Variants in SLC12A6 observed in about 807,000 individuals in gnomAD.
SLC12A6 encodes the protein solute carrier family 12 member 6.
A neutral mutation model predicts 135.3 loss-of-function variants in SLC12A6; 66 were observed. The ratio of observed to expected loss-of-function variants is 0.49; its 90% CI spans 0.40 to 0.60. SLC12A6 has a LOEUF of 0.60. Ranked by LOEUF, SLC12A6 falls within the 20% of genes least tolerant of loss-of-function variation. SLC12A6 has a pLI of 0.00. For missense variants in SLC12A6, 1,058 were observed against 1,452.3 expected (o/e 0.73, Z 4.41); for synonymous variants, 513 against 508.8 (o/e 1.01, Z -0.11).
chr15:34,280,392 A>G (rs1894595433), intron 2 of SLC12A6, among the ~76,000 whole-genome samples: 1 of 152,226 alleles, frequency 6.6e-6, no homozygotes, highest in South Asian at 2.1e-4. Context: ...TGTATTATCT[A>G]GACATATCAC....
intron 2 of SLC12A6, among the ~76,000 whole-genome samples, chr15:34,288,021 G>A (rs1895231597): frequency 6.6e-6 from 1 of 152,154 alleles, no homozygotes; most frequent in African/African-American, 2.4e-5. Flanking sequence ...TGTTGCCATT[G>A]CTTTGGTGTT....
At chr15:34,263,989 T>C (rs1369358280) in intron 3 of SLC12A6, among the ~76,000 whole-genome samples, 1 of 150,120 alleles carries the variant, frequency 6.7e-6, no homozygotes, top group African/African-American at 2.5e-5. Flanking sequence ...CTCTGAAAAA[T>C]GACATTAATA....
intron 2 of SLC12A6, among the ~76,000 whole-genome samples, chr15:34,302,701 G>C (rs1472984461): frequency 6.6e-6 from 1 of 151,344 alleles, no homozygotes; most frequent in Non-Finnish European, 1.5e-5. Flanking sequence ...CTATAATCTT[G>C]GCACTTCCGG....
At chr15:34,283,755 C>G (rs199748651) in intron 2 of SLC12A6, among the ~76,000 whole-genome samples, 1 of 144,322 alleles carries the variant, frequency 6.9e-6, no homozygotes, top group Non-Finnish European at 1.5e-5. Context: ...GAAAGGTTAG[C>G]ATTTTTTTTT....
chr15:34,326,858 C>CT (rs397963192), intron 2 of SLC12A6, among the ~76,000 whole-genome samples: 3,615 of 72,086 alleles, frequency 0.05, 1,098 homozygotes, highest in African/African-American at 0.24. Flanking sequence ...CAACTGGCTG[C>CT]TTTTTTTTTT....
At chr15:34,284,594 C>T (rs1017355327) in intron 2 of SLC12A6, among the ~76,000 whole-genome samples, 1 of 152,066 alleles carries the variant, frequency 6.6e-6, no homozygotes, top group African/African-American at 2.4e-5. Flanking sequence ...AGATCTGTAG[C>T]TCTTTCATTA....
Position 34,241,251 on chromosome 15 carries a change from G to A in SLC12A6, c.2249C>T (p.Pro750Leu). The A allele has an allele frequency of 6.3e-7, 1 of 1,590,592 alleles. No homozygotes were observed. ...TCTTTACCTCCAGTTTTTAGTGTGT[G>A]GAGGTCCTTCCTCCAATCGAAGCAA... ...FALLRLEEGP[P>L]HTKNWRPQLL... Residue 750 changes from proline (P) to leucine (L), a missense_variant, in exon 18 of 26, where the codon CCA becomes CTA. By Grantham distance (98) the Pro-to-Leu change is moderately conservative. Coordinates refer to ENST00000354181, the MANE Select transcript of SLC12A6 (RefSeq NM_001365088.1).
At chr15:34,257,590 C>G in intron 6 of SLC12A6, 52 bp downstream of exon 6, 1 of 1,486,082 alleles carries the variant, frequency 6.7e-7, no homozygotes, top group Middle Eastern at 1.7e-4. Context: ...TGCATCTGCT[C>G]TTGAGAACTT....
chr15:34,322,170 G>A lies in SLC12A6; in HGVS notation c.271+14240C>T, dbSNP rs548695482. Among the ~76,000 whole-genome samples, 441 of 152,204 alleles carry A rather than the reference G, an allele frequency of 2.9e-3. 1 individual carries two copies. The highest frequency in any genetic ancestry group is 0.01 in the African/African-American group (425 of 41,532). On this transcript the variant is annotated intron_variant, in intron 2 of 25. Transcript: ENST00000354181. ...GGAAGCTGAGGTGGACGGATCACCC[G>A]AGGTCAGTTCGAGACCAGCCTGACC...
chr15:34,308,034 T>A (rs1163703331), intron 2 of SLC12A6, among the ~76,000 whole-genome samples: 1 of 152,230 alleles, frequency 6.6e-6, no homozygotes. Flanking sequence ...TATTAGTATT[T>A]TTCTCTAGAA....
At chr15:34,306,791 T>A (rs942431521) in intron 2 of SLC12A6, among the ~76,000 whole-genome samples, 1 of 152,216 alleles carries the variant, frequency 6.6e-6, no homozygotes, top group East Asian at 1.9e-4. Context: ...ACTACTGCCC[T>A]AAGTATTAAG....
chr15:34,264,692 A>G (rs1893376324), intron 3 of SLC12A6, among the ~76,000 whole-genome samples: 1 of 152,150 alleles, frequency 6.6e-6, no homozygotes, highest in African/African-American at 2.4e-5. Flanking sequence ...AAATCATATG[A>G]TGTCTGGAAT....
intron 2 of SLC12A6, among the ~76,000 whole-genome samples, chr15:34,279,130 C>T (rs566027134): frequency 9.2e-5 from 14 of 151,710 alleles, no homozygotes; most frequent in South Asian, 4.2e-4. Flanking sequence ...GCCTGGCTAA[C>T]GTGGTGAAAC....
intron 2 of SLC12A6, among the ~76,000 whole-genome samples, chr15:34,326,498 G>A (rs889927896): frequency 6.6e-6 from 1 of 152,100 alleles, no homozygotes; most frequent in Non-Finnish European, 1.5e-5. Flanking sequence ...ATTGAGACTT[G>A]GGTCAAAATC....
Position 34,255,292 on chromosome 15 carries a change from C to T in SLC12A6, c.846G>A (p.Met282Ile), listed in dbSNP as rs1892672324. The T allele has an allele frequency of 6.2e-7, 1 of 1,610,822 alleles. No homozygotes were observed. The highest frequency in any genetic ancestry group is 8.5e-7 in the Non-Finnish European group (1 of 1,177,078). The part of the protein sequence containing the change: ...FYLGTTFAAA[M>I]YILGAIEIFL... ...AGATTTCAATGGCACCAAGGATGTA[C>T]ATGGCTGCTGCAAATGTGGTACCAA... Residue 282 changes from methionine to isoleucine, a missense_variant, in exon 8 of 26, where the codon ATG (methionine) becomes ATA (isoleucine). Physicochemically the swap from Met to Ile is conservative, Grantham distance 10. Transcript: ENST00000354181.
At chr15:34,284,245 G>C (rs1894879702) in intron 2 of SLC12A6, among the ~76,000 whole-genome samples, 2 of 148,242 alleles carry the variant, frequency 1.3e-5, no homozygotes, top group Non-Finnish European at 3.0e-5. Flanking sequence ...GTCTTCAAAA[G>C]TAATGTCCAT....
At chr15:34,266,454 T>A (rs2140829063) in intron 3 of SLC12A6, among the ~76,000 whole-genome samples, 1 of 152,252 alleles carries the variant, frequency 6.6e-6, no homozygotes, top group South Asian at 2.1e-4. Context: ...ATTATTATTA[T>A]TTTTTGAGAC....
At chr15:34,277,133 ATCTAAATAAAGGATACTGGGGCTGGGT>A (rs1894349936) in intron 2 of SLC12A6, among the ~76,000 whole-genome samples, 1 of 152,182 alleles carries the variant, frequency 6.6e-6, no homozygotes, top group African/African-American at 2.4e-5. Context: ...CTTACTTCCC[ATCTAAATAAAGGATACTGGGGCTGGGT>A]GCAGTGGCTC....
chr15:34,271,070 A>G (rs1326924048), intron 3 of SLC12A6, among the ~76,000 whole-genome samples: 1 of 152,132 alleles, frequency 6.6e-6, no homozygotes, highest in Non-Finnish European at 1.5e-5. Context: ...TACCTCCCAC[A>G]AAACGTGAGG....
Sources: allele counts gnomAD v4.1 joint callset (sites outside exome capture counted in the v4.1 genomes callset), GRCh38; gene constraint gnomAD v4.1.1; transcripts MANE v1.5; gene names NCBI Gene and HGNC (gene_info 2026-07-23, HGNC 2026-07-21).